Variants in AP3M2 observed in about 807,000 individuals in gnomAD.
AP3M2 encodes adaptor related protein complex 3 subunit mu 2, also known as AP-3 complex subunit mu-2.
Under a neutral mutation model 41.6 loss-of-function variants are expected in AP3M2, and 28 were observed. That is an observed-to-expected ratio of 0.67 (90% CI 0.50 to 0.92). The LOEUF (loss-of-function observed/expected upper bound fraction) is 0.92. AP3M2 is among the 40% of genes least tolerant of loss of function. AP3M2 has a pLI of 0.00. For synonymous variants in AP3M2, 193 were observed against 186.4 expected, an observed-to-expected ratio of 1.04 and a Z score of -0.29; for missense variants, 427 against 521.4, an observed-to-expected ratio of 0.82 and a Z score of 1.76.
At chr8:42,158,152 A>ACAGCCTGAGTGGCTTAGTCGAGTGTCGCC (rs755162412) in intron 3 of AP3M2, 40 bp downstream of exon 3, 53 of 1,591,940 alleles carry the variant, frequency 3.3e-5, no homozygotes, top group African/African-American at 5.4e-5. Flanking sequence ...TGGCCATCCT[A>ACAGCCTGAGTGGCTTAGTCGAGTGTCGCC]CAGCCTGAGT....
rs528482678 is a variant in AP3M2, at chr8:42,156,187, G to T, written c.273+1227G>T. 261 of 350,732 alleles carry T rather than the reference G, an allele frequency of 7.4e-4. 5 individuals are homozygous for T. The highest frequency in any genetic ancestry group is 5.6e-3 in the South Asian group (256 of 45,928). 21.7% of individuals were successfully genotyped at this position (350,732 alleles called of 1,614,324 possible). A position where few individuals can be genotyped will look rare whatever the true frequency, so the allele number is the denominator to read the frequency against. On this transcript the variant is annotated intron_variant, in intron 2 of 8. Transcript: ENST00000396926. ...AGTCGCACTGGTGAAACTGACAGCC[G>T]CTATATGGCCATACTAATGTAACTT... is the stretch of plus-strand genomic sequence containing the variant.
intron 4 of AP3M2, among the ~76,000 whole-genome samples, chr8:42,164,068 G>A (rs547543525): frequency 1.3e-5 from 2 of 152,278 alleles, no homozygotes; most frequent in South Asian, 2.1e-4. Context: ...GAGCAGCTAC[G>A]AGGCTGAAAT....
At chr8:42,156,018 G>A (rs973512871) in intron 2 of AP3M2, 8 of 448,952 alleles carry the variant, frequency 1.8e-5, no homozygotes, top group Non-Finnish European at 3.1e-5. Context: ...GCAACATACC[G>A]GCCCCTTTGC....
chr8:42,165,618 G>A (rs1025527987), intron 6 of AP3M2, 58 bp downstream of exon 6: 9 of 1,578,308 alleles, frequency 5.7e-6, no homozygotes, highest in South Asian at 3.4e-5. Flanking sequence ...TGTGGAAACC[G>A]TATCTGTGGT....
intron 4 of AP3M2, among the ~76,000 whole-genome samples, 187 bp from the exon 5 acceptor site, chr8:42,164,884 T>G (rs1804598761): frequency 6.6e-6 from 1 of 151,630 alleles, no homozygotes; most frequent in South Asian, 2.1e-4. Context: ...TTCAGAATGA[T>G]GGATAGATGG....
intron 6 of AP3M2, among the ~76,000 whole-genome samples, chr8:42,166,591 C>CAAAAAAAAAAAAAAAAAAAAAAAA (rs56858276): frequency 9.1e-5 from 7 of 77,080 alleles, no homozygotes; most frequent in South Asian, 4.7e-4. Context: ...CTTGTCTCTA[C>CAAAAAAAAAAAAAAAAAAAAAAAA]AAAAAAAAAA....
At chr8:42,162,155 ATCTTCT>A (rs1564117445) in intron 3 of AP3M2, 120 bp from the exon 4 acceptor site, 21 of 950,190 alleles carry the variant, frequency 2.2e-5, no homozygotes, top group Admixed American at 3.1e-5. Context: ...GAAAAACCTC[ATCTTCT>A]GTTTGAAAAA....
intron 5 of AP3M2, 33 bp from the exon 6 acceptor site, chr8:42,165,394 C>G (rs1171262410): frequency 6.2e-7 from 1 of 1,608,438 alleles, no homozygotes; most frequent in East Asian, 2.2e-5. Flanking sequence ...GTTTAATGCC[C>G]ACTTCTTGCT....
chr8:42,158,373 C>T (rs187076682), intron 3 of AP3M2, among the ~76,000 whole-genome samples: 328 of 151,912 alleles, frequency 2.2e-3, no homozygotes, highest in African/African-American at 4.7e-3. Flanking sequence ...CTCAGCCTCC[C>T]GAGTAGCTGG....
chr8:42,168,114 T>TC (rs1338944913), intron 8 of AP3M2: 27 of 535,192 alleles, frequency 5.0e-5, no homozygotes, highest in African/African-American at 3.4e-4. Flanking sequence ...CATTTCAGGT[T>TC]CCCAAGGTTT....
intron 8 of AP3M2, chr8:42,168,146 A>C (rs1256136200): frequency 6.1e-6 from 3 of 494,184 alleles, no homozygotes; most frequent in Non-Finnish European, 4.0e-6. Flanking sequence ...ATCCATGTGC[A>C]TTCTCAGCTA....
chr8:42,161,945 G>A (rs1226444661), intron 3 of AP3M2: 4 of 172,724 alleles, frequency 2.3e-5, no homozygotes, highest in African/African-American at 9.5e-5. Context: ...ATATCAATAT[G>A]TAGATTACGA....
chr8:42,167,634 A>G, intron 7 of AP3M2, 32 bp from the exon 8 acceptor site: 1 of 1,591,368 alleles, frequency 6.3e-7, no homozygotes, highest in Non-Finnish European at 8.5e-7. Flanking sequence ...TTTTTTGGAA[A>G]GACCACTTCT....
rs1436849492 is a variant in AP3M2 at position 42,170,725 on chromosome 8, C to T, written c.*1664C>T. ...AGATGTGTTCCACACTCCGTGACTC[C>T]GCAGTTTGTCCTGGAGTGACATACA... On this transcript the variant is annotated 3_prime_UTR_variant, in exon 9 of 9. Coordinates refer to ENST00000396926, the MANE Select transcript of AP3M2 (RefSeq NM_006803.4). 3.3e-5 allele frequency: 5 copies of T among 152,200 alleles called. No individual in the cohort carries two copies. The highest frequency in any genetic ancestry group is 7.2e-5 in the African/African-American group (3 of 41,424). 9.4% of individuals were successfully genotyped at this position (152,200 alleles called of 1,614,324 possible). A position where few individuals can be genotyped will look rare whatever the true frequency, so the allele number is the denominator to read the frequency against.
Position 42,165,435 on chromosome 8 carries a change from G to A in AP3M2, c.678G>A (p.Arg226=), listed in dbSNP as rs1272303487. The change falls in exon 6 of 9, where the codon AGG becomes AGA. Residue 226 remains arginine (R), a synonymous_variant. Transcript: ENST00000396926. ...PDLTLSFMNP[R]LLDDVSFHPC... ...TCTCCTGATGACTGTAGAACCCTAG[G>A]TTGTTGGATGATGTCAGCTTCCATC... 1 of 1,614,154 alleles carries A rather than the reference G, an allele frequency of 6.2e-7. No individual in the cohort carries two copies. The highest frequency in any genetic ancestry group is 8.5e-7 in the Non-Finnish European group (1 of 1,180,022).
rs1351193574 is a variant in AP3M2, at chr8:42,169,081, A to C, written c.*20A>C. The stretch of plus-strand genomic sequence containing the variant: ...ACCTGAAGGGAGCATTTGCTGAGGG[A>C]ATAGTCTTGCACATTTTTTCATTTC... On this transcript the variant is annotated 3_prime_UTR_variant, in exon 9 of 9. Transcript: ENST00000396926. 2.6e-6 allele frequency: 4 copies of C among 1,565,730 alleles called. No homozygotes were observed. The highest frequency in any genetic ancestry group is 3.5e-6 in the Non-Finnish European group (4 of 1,144,930).
chr8:42,158,857 G>A (rs897681066), intron 3 of AP3M2, among the ~76,000 whole-genome samples: 5 of 150,698 alleles, frequency 3.3e-5, no homozygotes, highest in East Asian at 2.0e-4. Flanking sequence ...GCAGTGGTGC[G>A]ATCTCAACTC....
In AP3M2 at chr8:42,170,546, A is replaced by G. The variant is rs1411138729; in HGVS notation, c.*1485A>G. 1.3e-5 allele frequency: 2 copies of G among 152,332 alleles called. No individual in the cohort carries two copies. Among genetic ancestry groups the G allele is most frequent in the East Asian group, 3.9e-4 (2 of 5,194 alleles). 9.4% of individuals were successfully genotyped at this position (152,332 alleles called of 1,614,324 possible). A position where few individuals can be genotyped will look rare whatever the true frequency, so the allele number is the denominator to read the frequency against. On this transcript the variant is annotated 3_prime_UTR_variant, in exon 9 of 9. Transcript: ENST00000396926. ...CTGTGCTCTGCTTGGTGCATGGAGA[A>G]AAAGGAAGACCCGTACTCTCCACAC...
At position 42,158,140 on chromosome 8, in the gene AP3M2, A is replaced by G. The variant is rs577505017; in HGVS notation, c.445+28A>G. ...ACGGCAGAGGGGGAAACTGATAGAT[A>G]GTGGCCATCCTACAGCCTGAGTGGC... On this transcript the variant is annotated intron_variant, in intron 3 of 8. Coordinates refer to ENST00000396926, the MANE Select transcript of AP3M2 (RefSeq NM_006803.4). The G allele has an allele frequency of 2.5e-6, 4 of 1,601,738 alleles. No homozygotes were observed. In the African/African-American group the frequency reaches 4.0e-5, roughly 16 times the overall value.
Sources: gnomAD v4.1 joint callset for allele counts (sites outside exome capture counted in the v4.1 genomes callset) on GRCh38, gnomAD v4.1.1 for gene constraint, MANE v1.5 for transcripts, NCBI Gene and HGNC (gene_info 2026-07-23, HGNC 2026-07-21) for gene names.